Variants in WWOX observed in about 807,000 individuals in gnomAD.
WWOX encodes the protein WW domain containing oxidoreductase.
A neutral mutation model predicts 46.2 loss-of-function variants in WWOX; 69 were observed. The ratio of observed to expected loss-of-function variants is 1.49; its 90% CI spans 1.23 to 1.82. WWOX has a LOEUF of 1.82. Among genes scored for constraint, WWOX ranks in the 40% most tolerant of loss-of-function variants. The pLI, the probability that WWOX is intolerant of heterozygous loss-of-function variation, is 0.00. For missense variants in WWOX, 919 were observed against 542.6 expected (o/e 1.69, Z -6.89); for synonymous variants, 359 against 202.6 (o/e 1.77, Z -6.56).
At chr16:78,364,878 G>C (rs1421920319) in intron 5 of WWOX, among the ~76,000 whole-genome samples, 2 of 152,022 alleles carry the variant, frequency 1.3e-5, no homozygotes, top group African/African-American at 4.8e-5. Flanking sequence ...GCCTTTTTCT[G>C]ATTTTTCTTG....
chr16:78,849,360 G>A (rs1318645861), intron 8 of WWOX, among the ~76,000 whole-genome samples: 4 of 150,722 alleles, frequency 2.7e-5, no homozygotes, highest in South Asian at 2.1e-4. Flanking sequence ...TCACGAGGTC[G>A]GGAGATCGAG....
rs935120257 is a variant in WWOX, at chr16:79,040,246, G to C, written c.1057-171362G>C. ...CAAAGAGCCAAGTCCCACATCTCAG[G>C]TACATTTCAGTTCATTCTTTCTGAG... On this transcript the variant is annotated intron_variant, in intron 8 of 8. Coordinates refer to ENST00000566780, the MANE Select transcript of WWOX (RefSeq NM_016373.4). 2.7e-4 allele frequency among the ~76,000 whole-genome samples: 40 copies of C among 150,872 alleles called. 1 individual carries two copies. The highest frequency in any genetic ancestry group is 1.7e-3 in the Admixed American group (26 of 15,130).
At chr16:79,012,110 C>T (rs896906523) in intron 8 of WWOX, among the ~76,000 whole-genome samples, 2 of 152,202 alleles carry the variant, frequency 1.3e-5, no homozygotes, top group African/African-American at 2.4e-5. Context: ...TTGCAGTGCT[C>T]TCGGCCCGCG....
chr16:78,995,143 A>T, intron 8 of WWOX, among the ~76,000 whole-genome samples: 1 of 151,758 alleles, frequency 6.6e-6, no homozygotes, highest in Non-Finnish European at 1.5e-5. Flanking sequence ...CCTTTTTGTG[A>T]CTTAGCTGGC....
chr16:79,038,878 C>A (rs1349727234), intron 8 of WWOX, among the ~76,000 whole-genome samples: 1 of 152,134 alleles, frequency 6.6e-6, no homozygotes, highest in Non-Finnish European at 1.5e-5. Flanking sequence ...CAGAAAAATA[C>A]ATTTTTTAAA....
intron 8 of WWOX, chr16:79,202,908 A>G (rs750192111): frequency 1.3e-5 from 2 of 152,240 alleles, no homozygotes; most frequent in Non-Finnish European, 2.9e-5. Context: ...TTTAGATAAT[A>G]TTTGCATGAT....
At chr16:78,138,761 C>A (rs1251749448) in intron 4 of WWOX, among the ~76,000 whole-genome samples, 1 of 152,210 alleles carries the variant, frequency 6.6e-6, no homozygotes. Flanking sequence ...GAACCACGTG[C>A]AGCACGCTGC....
At chr16:78,976,530 C>G (rs1380364498) in intron 8 of WWOX, among the ~76,000 whole-genome samples, 1 of 152,200 alleles carries the variant, frequency 6.6e-6, no homozygotes, top group Non-Finnish European at 1.5e-5. Flanking sequence ...GATGTAGTTG[C>G]ATGCACTTTG....
intron 8 of WWOX, among the ~76,000 whole-genome samples, chr16:79,139,523 A>C (rs569955960): frequency 6.6e-6 from 1 of 152,328 alleles, no homozygotes; most frequent in African/African-American, 2.4e-5. Context: ...ACTGATGTCC[A>C]AACACGATGT....
At chr16:78,644,337 A>C (rs753537396) in intron 8 of WWOX, among the ~76,000 whole-genome samples, 2 of 152,138 alleles carry the variant, frequency 1.3e-5, no homozygotes, top group Non-Finnish European at 2.9e-5. Flanking sequence ...CACCTACCCC[A>C]TATGTCACCT....
intron 8 of WWOX, among the ~76,000 whole-genome samples, chr16:78,791,160 T>G (rs1312056667): frequency 1.3e-5 from 2 of 152,030 alleles, no homozygotes; most frequent in African/African-American, 2.4e-5. Flanking sequence ...TGTGACTCAG[T>G]GCTTTCCTGA....
In WWOX at chr16:78,559,377, G is replaced by A. The variant is rs147273615; in HGVS notation, c.1056+126625G>A. ...GATCATGGAGGCCAGAGCCAGGGATGGATATAGACTAAGACATGCCTGTAG... is the reference window on the plus strand; with the variant it reads ...GATCATGGAGGCCAGAGCCAGGGATAGATATAGACTAAGACATGCCTGTAG... On this transcript the variant is annotated intron_variant, in intron 8 of 8. Coordinates refer to ENST00000566780, the MANE Select transcript of WWOX (RefSeq NM_016373.4). 3.9e-5 allele frequency among the ~76,000 whole-genome samples: 6 copies of A among 152,286 alleles called. No individual in the cohort carries two copies. In the East Asian group the frequency reaches 1.2e-3, roughly 29 times the overall value.
chr16:78,382,018 A>C (rs1156405835), intron 5 of WWOX, among the ~76,000 whole-genome samples: 1 of 152,162 alleles, frequency 6.6e-6, no homozygotes, highest in Non-Finnish European at 1.5e-5. Flanking sequence ...TGCTATGCCC[A>C]GCCAGTTATA....
At chr16:78,480,626 A>T (rs1567597768) in intron 8 of WWOX, among the ~76,000 whole-genome samples, 1 of 152,218 alleles carries the variant, frequency 6.6e-6, no homozygotes, top group African/African-American at 2.4e-5. Flanking sequence ...CTCTCAATTT[A>T]AAAATGTTAT....
At chr16:79,190,951 A>G (rs1189043347) in intron 8 of WWOX, among the ~76,000 whole-genome samples, 1 of 152,188 alleles carries the variant, frequency 6.6e-6, no homozygotes, top group Non-Finnish European at 1.5e-5. Flanking sequence ...TAAATCTCTC[A>G]TTTGTCTACA....
chr16:79,099,593 TGAGAGAGAGAGA>T (rs10598848), intron 8 of WWOX, among the ~76,000 whole-genome samples: 2 of 148,760 alleles, frequency 1.3e-5, no homozygotes, highest in African/African-American at 2.5e-5. Context: ...TGTGTGTTTG[TGAGAGAGAGAGA>T]GAGAGAGAGA....
chr16:78,926,266 G>A (rs1364829966), intron 8 of WWOX, among the ~76,000 whole-genome samples: 1 of 152,014 alleles, frequency 6.6e-6, no homozygotes, highest in Non-Finnish European at 1.5e-5. Context: ...TCAGCTACCT[G>A]GGAGGCTAAA....
chr16:79,158,775 G>C (rs1243525099), intron 8 of WWOX, among the ~76,000 whole-genome samples: 1 of 152,170 alleles, frequency 6.6e-6, no homozygotes, highest in South Asian at 2.1e-4. Context: ...ACCTCCTCCA[G>C]TTCTCAGCAC....
intron 8 of WWOX, among the ~76,000 whole-genome samples, chr16:78,548,226 G>GGAT (rs2044092112): frequency 1.3e-5 from 2 of 151,116 alleles, no homozygotes; most frequent in East Asian, 3.9e-4. Context: ...GTACTGATGT[G>GGAT]GATATGATTT....
Sources: allele counts gnomAD v4.1 joint callset (sites outside exome capture counted in the v4.1 genomes callset), GRCh38; gene constraint gnomAD v4.1.1; transcripts MANE v1.5; gene names NCBI Gene and HGNC (gene_info 2026-07-23, HGNC 2026-07-21).